Variants in ASIC2 observed in about 807,000 individuals in gnomAD.
ASIC2 encodes the protein acid sensing ion channel subunit 2.
ASIC2 carries 25 observed loss-of-function variants against 57.3 expected under a neutral mutation model. That is an observed-to-expected ratio of 0.44 (90% CI 0.32 to 0.61). ASIC2 has a LOEUF of 0.61. Among genes scored for constraint, ASIC2 ranks in the 20% least tolerant of loss-of-function variants. ASIC2 has a pLI of 0.06. For synonymous variants in ASIC2, 319 were observed against 307.5 expected, an observed-to-expected ratio of 1.04 and a Z score of -0.39; for missense variants, 641 against 738.1, an observed-to-expected ratio of 0.87 and a Z score of 1.52.
At chr17:33,253,351 A>G (rs1908950685) in intron 1 of ASIC2, among the ~76,000 whole-genome samples, 1 of 152,214 alleles carries the variant, frequency 6.6e-6, no homozygotes, top group Non-Finnish European at 1.5e-5. Flanking sequence ...GTACACAAAC[A>G]CAATCATGTG....
chr17:33,403,345 C>T (rs1368643955), intron 1 of ASIC2, among the ~76,000 whole-genome samples: 1 of 152,178 alleles, frequency 6.6e-6, no homozygotes, highest in African/African-American at 2.4e-5. Context: ...CTGCCTTCTC[C>T]TCAGTCAGAA....
chr17:33,124,414 T>A (rs1010379720), intron 1 of ASIC2, among the ~76,000 whole-genome samples: 3 of 152,196 alleles, frequency 2.0e-5, no homozygotes, highest in Admixed American at 2.0e-4. Context: ...GTAACAGACA[T>A]AATTGATTGA....
intron 1 of ASIC2, among the ~76,000 whole-genome samples, chr17:33,118,292 GCCTT>G (rs1437419670): frequency 1.3e-5 from 2 of 152,200 alleles, no homozygotes. Flanking sequence ...TCCCTGGAGT[GCCTT>G]CAGTGCTAGC....
intron 1 of ASIC2, among the ~76,000 whole-genome samples, chr17:33,121,137 G>A (rs1353893747): frequency 2.0e-5 from 3 of 152,228 alleles, no homozygotes; most frequent in African/African-American, 7.2e-5. Flanking sequence ...CTTGGATCGT[G>A]CATAAGCCCT....
At chr17:33,236,149 A>C (rs1461339952) in intron 1 of ASIC2, among the ~76,000 whole-genome samples, 3 of 151,720 alleles carry the variant, frequency 2.0e-5, no homozygotes, top group African/African-American at 7.3e-5. Context: ...TTAGACTTAG[A>C]GGTGATGGGT....
At chr17:33,282,097 G>A (rs1055098607) in intron 1 of ASIC2, among the ~76,000 whole-genome samples, 4 of 152,124 alleles carry the variant, frequency 2.6e-5, no homozygotes, top group Non-Finnish European at 5.9e-5. Flanking sequence ...ACCCAGCCTC[G>A]TTCACTAATG....
intron 1 of ASIC2, among the ~76,000 whole-genome samples, chr17:33,362,289 C>T (rs1027951453): frequency 1.3e-5 from 2 of 149,630 alleles, no homozygotes; most frequent in Non-Finnish European, 3.0e-5. Flanking sequence ...TTCTTGAATG[C>T]CTTGAAGCCT....
chr17:33,818,631 G>A (rs1912657366), intron 1 of ASIC2, among the ~76,000 whole-genome samples: 1 of 152,174 alleles, frequency 6.6e-6, no homozygotes. Context: ...CTAATGGGTA[G>A]GGATGCTGCT....
chr17:33,589,232 A>C (rs2142003918), intron 1 of ASIC2, among the ~76,000 whole-genome samples: 1 of 152,302 alleles, frequency 6.6e-6, no homozygotes, highest in South Asian at 2.1e-4. Flanking sequence ...CATTAACAGC[A>C]CGAGTACAGT....
chr17:33,948,575 C>G (rs981478652), intron 1 of ASIC2, among the ~76,000 whole-genome samples: 37 of 152,218 alleles, frequency 2.4e-4, no homozygotes, highest in Admixed American at 2.2e-3. Context: ...GCCATGGCCT[C>G]AAACACTAAG....
At chr17:33,836,437 C>T (rs1269826112) in intron 1 of ASIC2, among the ~76,000 whole-genome samples, 1 of 152,166 alleles carries the variant, frequency 6.6e-6, no homozygotes, top group Non-Finnish European at 1.5e-5. Flanking sequence ...CTGCCTCAGC[C>T]TCCCAAAGTG....
At chr17:33,416,279 A>G (rs960350556) in intron 1 of ASIC2, among the ~76,000 whole-genome samples, 6 of 152,216 alleles carry the variant, frequency 3.9e-5, no homozygotes, top group African/African-American at 1.4e-4. Context: ...CAATTCATTA[A>G]TTTTATCATT....
At chr17:33,438,712 AC>A (rs761352047) in intron 1 of ASIC2, among the ~76,000 whole-genome samples, 9 of 152,096 alleles carry the variant, frequency 5.9e-5, no homozygotes, top group Non-Finnish European at 1.0e-4. Flanking sequence ...GCTGAACAGG[AC>A]AATTACTCAT....
intron 1 of ASIC2, among the ~76,000 whole-genome samples, chr17:33,573,416 T>G (rs1303306820): frequency 6.6e-6 from 1 of 152,160 alleles, no homozygotes. Context: ...CTCTCCTAGA[T>G]CCAACTCCCC....
intron 1 of ASIC2, among the ~76,000 whole-genome samples, chr17:33,496,629 T>A (rs1913942672): frequency 8.5e-6 from 1 of 117,976 alleles, no homozygotes; most frequent in South Asian, 2.6e-4. Context: ...TTTTTTTTTT[T>A]TTTTTTTAGA....
intron 1 of ASIC2, among the ~76,000 whole-genome samples, chr17:33,631,773 G>T (rs1597814225): frequency 1.3e-5 from 2 of 152,176 alleles, no homozygotes; most frequent in Non-Finnish European, 2.9e-5. Flanking sequence ...TCCTTCCAGG[G>T]TGGAATGTGT....
chr17:33,346,226 CAAAAAAAAAAA>C (rs57042563), intron 1 of ASIC2, among the ~76,000 whole-genome samples: 4 of 57,784 alleles, frequency 6.9e-5, no homozygotes, highest in South Asian at 1.9e-3. Flanking sequence ...GATTCCCTCT[CAAAAAAAAAAA>C]AAAAAAAAAA....
intron 1 of ASIC2, among the ~76,000 whole-genome samples, chr17:33,523,913 T>A (rs1318650771): frequency 6.6e-6 from 1 of 152,184 alleles, no homozygotes; most frequent in East Asian, 1.9e-4. Flanking sequence ...GCAGTTCTCA[T>A]CCATAGCATA....
intron 1 of ASIC2, among the ~76,000 whole-genome samples, chr17:33,537,211 G>T (rs559937896): frequency 6.6e-6 from 1 of 152,120 alleles, no homozygotes; most frequent in Non-Finnish European, 1.5e-5. Flanking sequence ...GGGTGGTGGT[G>T]TATCTGTTCC....
Sources: gnomAD v4.1 joint callset for allele counts (sites outside exome capture counted in the v4.1 genomes callset) on GRCh38, gnomAD v4.1.1 for gene constraint, MANE v1.5 for transcripts, NCBI Gene and HGNC (gene_info 2026-07-23, HGNC 2026-07-21) for gene names.